The following NKAIN2 variants were observed in gnomAD, a reference collection of about 807,000 sequenced individuals.
NKAIN2 encodes sodium/potassium-transporting ATPase subunit beta-1-interacting protein 2.
NKAIN2 carries 14 observed loss-of-function variants against 32.6 expected under a neutral mutation model. The ratio of observed to expected loss-of-function variants is 0.43; its 90% CI spans 0.28 to 0.67. NKAIN2 has a LOEUF of 0.67. NKAIN2 is among the 30% of genes least tolerant of loss of function. The pLI is 0.17. For missense variants in NKAIN2, 198 were observed against 258.3 expected (o/e 0.77, Z 1.60); for synonymous variants, 80 against 87.2 (o/e 0.92, Z 0.46).
At chr6:123,834,950 G>A (rs540609681) in intron 1 of NKAIN2, among the ~76,000 whole-genome samples, 2 of 152,110 alleles carry the variant, frequency 1.3e-5, no homozygotes, top group East Asian at 1.9e-4. Context: ...CTTTTTATAC[G>A]TTGTTGGATT....
chr6:123,934,518 G>T (rs1776410777), intron 1 of NKAIN2, among the ~76,000 whole-genome samples: 1 of 152,072 alleles, frequency 6.6e-6, no homozygotes, highest in Admixed American at 6.6e-5. Flanking sequence ...TCTGTAGTGT[G>T]CCATTACTTA....
Position 124,040,971 on chromosome 6 carries a change from T to C in NKAIN2, c.54+236717T>C, listed in dbSNP as rs138388196. Among the ~76,000 whole-genome samples, 1,246 of 152,136 alleles carry C rather than the reference T, an allele frequency of 8.2e-3. 12 individuals carry two copies. The highest frequency in any genetic ancestry group is 0.029 in the African/African-American group (1,197 of 41,540). ...CATTCCGGTTTTCAGGGTCTTACACTCTATGTTGTACAACTATTGAAGGAC... is the reference window on the plus strand; with the variant it reads ...CATTCCGGTTTTCAGGGTCTTACACCCTATGTTGTACAACTATTGAAGGAC... On this transcript the variant is annotated intron_variant, in intron 1 of 6. Coordinates refer to ENST00000368417, the MANE Select transcript of NKAIN2 (RefSeq NM_001040214.3).
At chr6:124,527,783 A>G (rs1200555162) in intron 3 of NKAIN2, among the ~76,000 whole-genome samples, 1 of 152,126 alleles carries the variant, frequency 6.6e-6, no homozygotes, top group African/African-American at 2.4e-5. Flanking sequence ...GAGTCGGTGG[A>G]AATTTGCCTG....
chr6:124,289,790 T>C (rs1795717067), intron 2 of NKAIN2, among the ~76,000 whole-genome samples: 1 of 152,132 alleles, frequency 6.6e-6, no homozygotes, highest in South Asian at 2.1e-4. Flanking sequence ...CTCCTACAAG[T>C]CATTTCTAAG....
intron 1 of NKAIN2, among the ~76,000 whole-genome samples, chr6:124,275,286 A>G (rs1300971510): frequency 4.6e-5 from 7 of 152,102 alleles, no homozygotes; most frequent in Non-Finnish European, 7.4e-5. Context: ...GGGGGCTTTT[A>G]CATAAACTTA....
intron 1 of NKAIN2, among the ~76,000 whole-genome samples, chr6:124,233,582 A>C (rs1582894853): frequency 6.6e-6 from 1 of 152,316 alleles, no homozygotes; most frequent in East Asian, 1.9e-4. Flanking sequence ...TCTCACATTT[A>C]AGAAAACATG....
chr6:124,653,557 G>C (rs1005881974), intron 3 of NKAIN2, among the ~76,000 whole-genome samples: 1 of 148,070 alleles, frequency 6.8e-6, no homozygotes, highest in East Asian at 2.0e-4. Flanking sequence ...AAAACTCCTA[G>C]AAAATGACAC....
intron 4 of NKAIN2, among the ~76,000 whole-genome samples, chr6:124,665,861 T>A (rs1772769909): frequency 6.6e-6 from 1 of 152,130 alleles, no homozygotes; most frequent in Admixed American, 6.5e-5. Context: ...AGATAATGAG[T>A]CTGTGTATCT....
chr6:124,224,771 G>A (rs1792019421), intron 1 of NKAIN2, among the ~76,000 whole-genome samples: 1 of 152,018 alleles, frequency 6.6e-6, no homozygotes, highest in African/African-American at 2.4e-5. Flanking sequence ...TAAGTGATAT[G>A]TTTTCCACTT....
In NKAIN2 at chr6:124,051,664, A is replaced by T. The variant is rs564808907; in HGVS notation, c.55-231341A>T. 2.2e-4 allele frequency among the ~76,000 whole-genome samples: 33 copies of T among 151,920 alleles called. No homozygotes were observed. The South Asian group carries it at 3.9e-3, about 18-fold the overall frequency. On this transcript the variant is annotated intron_variant, in intron 1 of 6. Coordinates refer to ENST00000368417, the MANE Select transcript of NKAIN2 (RefSeq NM_001040214.3). ...TTCTTTCTTATTCCATTAAATTATC[A>T]TAGGGAAGGATGTAGAGTTTGCAGT...
chr6:124,098,390 T>G (rs767988844), intron 1 of NKAIN2, among the ~76,000 whole-genome samples: 20 of 152,160 alleles, frequency 1.3e-4, no homozygotes, highest in Non-Finnish European at 2.6e-4. Context: ...CAAAATGAAG[T>G]ATGACTTTGT....
At chr6:123,942,061 T>C (rs1028477455) in intron 1 of NKAIN2, among the ~76,000 whole-genome samples, 2 of 151,962 alleles carry the variant, frequency 1.3e-5, no homozygotes, top group African/African-American at 4.8e-5. Context: ...AACATCATCA[T>C]TTTATGTGTC....
At chr6:124,317,524 G>A (rs796930568) in intron 2 of NKAIN2, among the ~76,000 whole-genome samples, 4 of 152,134 alleles carry the variant, frequency 2.6e-5, no homozygotes, top group African/African-American at 9.6e-5. Flanking sequence ...TGCTCTCATT[G>A]TTTTGAACAC....
intron 1 of NKAIN2, among the ~76,000 whole-genome samples, chr6:123,856,585 G>T (rs1476415429): frequency 2.0e-5 from 3 of 152,074 alleles, no homozygotes; most frequent in African/African-American, 7.2e-5. Flanking sequence ...CTTGCCTCAG[G>T]GATATCTAGT....
intron 1 of NKAIN2, among the ~76,000 whole-genome samples, chr6:123,860,687 AGT>A (rs1775752616): frequency 6.6e-6 from 1 of 152,200 alleles, no homozygotes; most frequent in Non-Finnish European, 1.5e-5. Context: ...TAGGATTACA[AGT>A]GTGAGCCACC....
At chr6:124,521,609 C>T (rs1176795205) in intron 3 of NKAIN2, among the ~76,000 whole-genome samples, 2 of 152,118 alleles carry the variant, frequency 1.3e-5, no homozygotes, top group African/African-American at 4.8e-5. Context: ...TGCTTTATTT[C>T]TCTTCTCTAT....
At chr6:124,575,148 A>T (rs943803478) in intron 3 of NKAIN2, among the ~76,000 whole-genome samples, 2 of 152,194 alleles carry the variant, frequency 1.3e-5, no homozygotes, top group African/African-American at 4.8e-5. Flanking sequence ...TTTGTTTAAA[A>T]TTGGACTCCT....
At chr6:124,203,141 A>G (rs760280856) in intron 1 of NKAIN2, among the ~76,000 whole-genome samples, 8 of 151,816 alleles carry the variant, frequency 5.3e-5, no homozygotes, top group Non-Finnish European at 1.2e-4. Flanking sequence ...ATTTTCCCCT[A>G]TAGAATGTGA....
At chr6:124,202,635 T>C (rs1790649643) in intron 1 of NKAIN2, among the ~76,000 whole-genome samples, 1 of 151,928 alleles carries the variant, frequency 6.6e-6, no homozygotes, top group South Asian at 2.1e-4. Context: ...AAAAAAGTCA[T>C]TTAACACCTT....
Sources: gnomAD v4.1 joint callset for allele counts (sites outside exome capture counted in the v4.1 genomes callset) on GRCh38, gnomAD v4.1.1 for gene constraint, MANE v1.5 for transcripts, NCBI Gene and HGNC (gene_info 2026-07-23, HGNC 2026-07-21) for gene names.